The following LHFPL3 variants were observed in gnomAD, a reference collection of about 807,000 sequenced individuals.
LHFPL3 encodes LHFPL tetraspan subfamily member 3, also known as LHFPL tetraspan subfamily member 3 protein.
A neutral mutation model predicts 19.3 loss-of-function variants in LHFPL3; 5 were observed. The ratio of observed to expected loss-of-function variants is 0.26; its 90% CI spans 0.14 to 0.54. The LOEUF is 0.54. LHFPL3 is among the 20% of genes least tolerant of loss of function. The pLI is 0.94. For missense variants in LHFPL3, 249 were observed against 307.4 expected (o/e 0.81, Z 1.42); for synonymous variants, 133 against 126.2 (o/e 1.05, Z -0.36).
At chr7:104,745,971 A>T (rs1472894604) in intron 2 of LHFPL3, among the ~76,000 whole-genome samples, 1 of 152,236 alleles carries the variant, frequency 6.6e-6, no homozygotes, top group African/African-American at 2.4e-5. Flanking sequence ...ATGCAGTGAC[A>T]GAGGCAGAGA....
At chr7:104,376,683 T>C (rs892942665) in intron 1 of LHFPL3, among the ~76,000 whole-genome samples, 4 of 152,142 alleles carry the variant, frequency 2.6e-5, no homozygotes, top group Admixed American at 1.3e-4. Context: ...AAGAAGCTAA[T>C]ACAGTTGTGA....
chr7:104,770,284 A>G (rs1279259527), intron 2 of LHFPL3, among the ~76,000 whole-genome samples: 1 of 152,150 alleles, frequency 6.6e-6, no homozygotes, highest in Non-Finnish European at 1.5e-5. Context: ...ATGAGCAACT[A>G]AAAATTCTGA....
chr7:104,564,431 A>G (rs1438669782), intron 1 of LHFPL3, among the ~76,000 whole-genome samples: 3 of 152,236 alleles, frequency 2.0e-5, no homozygotes, highest in Non-Finnish European at 4.4e-5. Flanking sequence ...ATTCCATTCA[A>G]CAAATATTTA....
At chr7:104,687,824 G>A (rs1297820210) in intron 1 of LHFPL3, among the ~76,000 whole-genome samples, 3 of 152,060 alleles carry the variant, frequency 2.0e-5, no homozygotes, top group African/African-American at 7.3e-5. Flanking sequence ...AGAGAAAAGG[G>A]GAATGAGAAT....
At chr7:104,735,644 T>G (rs1793798624) in intron 1 of LHFPL3, among the ~76,000 whole-genome samples, 1 of 152,226 alleles carries the variant, frequency 6.6e-6, no homozygotes, top group African/African-American at 2.4e-5. Context: ...GAAAGGGAAT[T>G]CCCTGACCCC....
At chr7:104,481,949 C>G (rs1487804785) in intron 1 of LHFPL3, among the ~76,000 whole-genome samples, 1 of 152,174 alleles carries the variant, frequency 6.6e-6, no homozygotes, top group African/African-American at 2.4e-5. Flanking sequence ...AACGATGCAT[C>G]TAATTCCCCC....
rs74300499 is a variant in LHFPL3, at chr7:104,345,320, G to T, written c.445+16096G>T. On this transcript the variant is annotated intron_variant, in intron 1 of 2. Coordinates refer to ENST00000424859, the MANE Select transcript of LHFPL3 (RefSeq NM_199000.3). ...TAAAAGAACCAGCTTTAACTTTGTT[G>T]ATTTTCTCCACTACATTCTTCTGTC... Among the ~76,000 whole-genome samples, 1,098 of 151,334 alleles carry T rather than the reference G, an allele frequency of 7.3e-3. 78 individuals are homozygous for T. In the East Asian group the frequency reaches 0.17, roughly 24 times the overall value.
At chr7:104,745,328 G>T (rs1794019886) in intron 2 of LHFPL3, among the ~76,000 whole-genome samples, 1 of 152,216 alleles carries the variant, frequency 6.6e-6, no homozygotes, top group Admixed American at 6.5e-5. Context: ...TGAGGAAATG[G>T]AGAAGGGAAT....
chr7:104,506,795 T>C (rs1229950970), intron 1 of LHFPL3, among the ~76,000 whole-genome samples: 2 of 152,170 alleles, frequency 1.3e-5, no homozygotes, highest in African/African-American at 2.4e-5. Flanking sequence ...GCAGCAGATA[T>C]TTGGATTTAA....
chr7:104,889,148 G>A (rs969773203), intron 2 of LHFPL3, among the ~76,000 whole-genome samples: 2 of 152,204 alleles, frequency 1.3e-5, no homozygotes, highest in Non-Finnish European at 2.9e-5. Flanking sequence ...TCAACATATA[G>A]TGTCTAAAAT....
chr7:104,376,373 G>A (rs967110348), intron 1 of LHFPL3, among the ~76,000 whole-genome samples: 1 of 152,142 alleles, frequency 6.6e-6, no homozygotes. Context: ...ATAAATAAAG[G>A]GTAGAGAAGT....
intron 1 of LHFPL3, among the ~76,000 whole-genome samples, chr7:104,674,550 G>A (rs956881897): frequency 6.6e-6 from 1 of 151,910 alleles, no homozygotes; most frequent in African/African-American, 2.4e-5. Flanking sequence ...TGTGTTTTTA[G>A]TAGAGATGGA....
At chr7:104,518,670 G>C (rs1793971707) in intron 1 of LHFPL3, among the ~76,000 whole-genome samples, 1 of 152,190 alleles carries the variant, frequency 6.6e-6, no homozygotes, top group South Asian at 2.1e-4. Context: ...TGCAATCTCA[G>C]CTATTCAGGA....
At chr7:104,840,728 A>ATCT (rs1233412728) in intron 2 of LHFPL3, among the ~76,000 whole-genome samples, 3 of 151,966 alleles carry the variant, frequency 2.0e-5, no homozygotes. Context: ...TCCACCTATT[A>ATCT]TCTACTACTA....
chr7:104,585,480 AACACACACACACAC>A lies in LHFPL3; in HGVS notation c.446-151166_446-151153del, dbSNP rs57028058. 1.7e-3 allele frequency among the ~76,000 whole-genome samples: 216 copies of A among 123,458 alleles called. 4 individuals are homozygous for A. The East Asian group carries it at 0.031, about 18-fold the overall frequency. 81.0% of individuals were successfully genotyped at this position (123,458 alleles called of 152,430 possible). A position where few individuals can be genotyped will look rare whatever the true frequency, so the allele number is the denominator to read the frequency against. On this transcript the variant is annotated intron_variant, in intron 1 of 2. Coordinates refer to ENST00000424859, the MANE Select transcript of LHFPL3 (RefSeq NM_199000.3). Reference sequence around the variant, plus strand: ...AAAGTGGAATAAGGCAACACACACAAACACACACACACACACACACACACACACACACACACACA... The same window carrying A: ...AAAGTGGAATAAGGCAACACACACAAACACACACACACACACACACACACA...
chr7:104,728,075 A>G (rs12672491), intron 1 of LHFPL3, among the ~76,000 whole-genome samples: 33,914 of 152,058 alleles, frequency 0.22, 4,053 homozygotes, highest in South Asian at 0.44. Flanking sequence ...GATGTGGGTC[A>G]AAGAAAAGAG....
At chr7:104,731,533 T>C (rs1396434357) in intron 1 of LHFPL3, among the ~76,000 whole-genome samples, 4 of 152,158 alleles carry the variant, frequency 2.6e-5, no homozygotes, top group African/African-American at 9.7e-5. Context: ...TTGTCTGTTA[T>C]TGGTGTATAA....
At chr7:104,710,645 G>A (rs903826973) in intron 1 of LHFPL3, among the ~76,000 whole-genome samples, 3 of 152,108 alleles carry the variant, frequency 2.0e-5, no homozygotes, top group African/African-American at 7.2e-5. Context: ...CTCTATTTTT[G>A]CTTCATTTTC....
At chr7:104,481,810 G>C (rs1480569225) in intron 1 of LHFPL3, among the ~76,000 whole-genome samples, 1 of 152,148 alleles carries the variant, frequency 6.6e-6, no homozygotes, top group Non-Finnish European at 1.5e-5. Flanking sequence ...CAGAGACATT[G>C]CTTATGAACA....
Sources: gnomAD v4.1 joint callset for allele counts (sites outside exome capture counted in the v4.1 genomes callset) on GRCh38, gnomAD v4.1.1 for gene constraint, MANE v1.5 for transcripts, NCBI Gene and HGNC (gene_info 2026-07-23, HGNC 2026-07-21) for gene names.